The following SEMA5A variants were observed in gnomAD, a reference collection of about 807,000 sequenced individuals.
SEMA5A encodes semaphorin-5A.
In SEMA5A, 55 loss-of-function variants were observed where a neutral mutation model predicts 135.5. The observed-to-expected ratio is 0.41, with a 90% CI of 0.33 to 0.51. The LOEUF (loss-of-function observed/expected upper bound fraction) is 0.51, where lower values mean the gene tolerates loss of function less well. Among genes scored for constraint, SEMA5A ranks in the 20% least tolerant of loss-of-function variants. The pLI, the probability that SEMA5A is intolerant of heterozygous loss-of-function variation, is 0.37. For synonymous variants in SEMA5A, 580 were observed against 546.5 expected (o/e 1.06, Z -0.85); for missense variants, 1,290 against 1,419.9 (o/e 0.91, Z 1.47).
intron 1 of SEMA5A, among the ~76,000 whole-genome samples, chr5:9,510,443 T>C (rs761170369): frequency 1.3e-5 from 2 of 152,206 alleles, no homozygotes; most frequent in Non-Finnish European, 2.9e-5. Context: ...GCACAAACTA[T>C]TGGGAAGTAA....
chr5:9,087,604 T>G (rs1460743033), intron 16 of SEMA5A, among the ~76,000 whole-genome samples: 1 of 151,966 alleles, frequency 6.6e-6, no homozygotes, highest in Non-Finnish European at 1.5e-5. Flanking sequence ...TTCTTTAGTT[T>G]CTGGCTGTAA....
At chr5:9,520,957 G>T (rs561240968) in intron 1 of SEMA5A, among the ~76,000 whole-genome samples, 1 of 152,216 alleles carries the variant, frequency 6.6e-6, no homozygotes, top group Non-Finnish European at 1.5e-5. Context: ...AGAATAGAGC[G>T]TGGCCTTCAG....
At chr5:9,325,124 T>G (rs542818061) in intron 4 of SEMA5A, among the ~76,000 whole-genome samples, 1 of 152,354 alleles carries the variant, frequency 6.6e-6, no homozygotes, top group South Asian at 2.1e-4. Flanking sequence ...ATACTTCTAT[T>G]TTTCTCCTGT....
At chr5:9,422,287 C>G (rs529510512) in intron 2 of SEMA5A, 1 of 152,276 alleles carries the variant, frequency 6.6e-6, no homozygotes, top group Non-Finnish European at 1.5e-5. Flanking sequence ...ATTCTTCAAC[C>G]TGGGCAACGC....
chr5:9,044,677 A>G, intron 21 of SEMA5A, 93 bp from the exon 22 acceptor site: 1 of 1,068,638 alleles, frequency 9.4e-7, no homozygotes, highest in Admixed American at 2.0e-5. Flanking sequence ...AGTCAAAATG[A>G]AAAGCTTCAT....
rs569012475 is a variant in SEMA5A, at chr5:9,160,604, C to T, written c.1274-5909G>A. 3.9e-5 allele frequency among the ~76,000 whole-genome samples: 6 copies of T among 152,164 alleles called. 1 individual carries two copies. Among genetic ancestry groups the T allele is most frequent in the South Asian group, 4.2e-4 (2 of 4,818 alleles). Reference sequence around the variant, plus strand: ...CCAATGAGAAGAAGAGAACCCTCCTCGGCACAGATCACTACATTGTAGGTC... The same window carrying T: ...CCAATGAGAAGAAGAGAACCCTCCTTGGCACAGATCACTACATTGTAGGTC... On this transcript the variant is annotated intron_variant, in intron 11 of 22. Transcript: ENST00000382496.
intron 1 of SEMA5A, among the ~76,000 whole-genome samples, chr5:9,496,983 G>A (rs1735336086): frequency 6.6e-6 from 1 of 152,220 alleles, no homozygotes; most frequent in African/African-American, 2.4e-5. Flanking sequence ...AACAGGCCTT[G>A]AAATAGCCTT....
chr5:9,433,325 G>C (rs901211073), intron 2 of SEMA5A, among the ~76,000 whole-genome samples: 2 of 151,864 alleles, frequency 1.3e-5, no homozygotes, highest in African/African-American at 4.8e-5. Flanking sequence ...AAAATGTTTT[G>C]TTTTATTCCT....
At position 9,267,204 on chromosome 5, in the gene SEMA5A, C is replaced by G. The variant is rs3026312; in HGVS notation, c.271-29314G>C. 1.0e-3 allele frequency among the ~76,000 whole-genome samples: 154 copies of G among 151,710 alleles called. 2 individuals are homozygous for G. Among genetic ancestry groups the G allele is most frequent in the African/African-American group, 3.7e-3 (154 of 41,532 alleles). ...TTAGATTCTTATTTAATATATGAGC[C>G]AGGAAGAATTTCAGCTGAGAAGCCC... On this transcript the variant is annotated intron_variant, in intron 5 of 22. Transcript: ENST00000382496.
At chr5:9,463,975 G>A (rs1266966946) in intron 1 of SEMA5A, among the ~76,000 whole-genome samples, 8 of 152,128 alleles carry the variant, frequency 5.3e-5, no homozygotes, top group Non-Finnish European at 1.0e-4. Context: ...TTTCAAATCT[G>A]TGATGCTGTA....
At chr5:9,468,633 AT>A (rs1265881473) in intron 1 of SEMA5A, among the ~76,000 whole-genome samples, 8 of 152,238 alleles carry the variant, frequency 5.3e-5, no homozygotes, top group Non-Finnish European at 1.0e-4. Flanking sequence ...GGCTGTCTAT[AT>A]TTCTTCAAAT....
At chr5:9,530,220 T>C (rs566891939) in intron 1 of SEMA5A, among the ~76,000 whole-genome samples, 1 of 152,262 alleles carries the variant, frequency 6.6e-6, no homozygotes, top group East Asian at 1.9e-4. Flanking sequence ...AGTTATACCA[T>C]GGAGGGACAG....
At chr5:9,066,247 C>T (rs181457115) in intron 17 of SEMA5A, among the ~76,000 whole-genome samples, 174 bp downstream of exon 17, 138 of 152,316 alleles carry the variant, frequency 9.1e-4, no homozygotes, top group African/African-American at 2.9e-3. Context: ...AGTAAGGCTC[C>T]TTTCTTTCAA....
chr5:9,435,854 G>C (rs748552188), intron 2 of SEMA5A, among the ~76,000 whole-genome samples: 1 of 152,122 alleles, frequency 6.6e-6, no homozygotes, highest in South Asian at 2.1e-4. Flanking sequence ...GAAAACGTTC[G>C]CCAATTCTTG....
In SEMA5A at chr5:9,479,385, G is replaced by GAAA. The variant is rs35642251; in HGVS notation, c.-174-41536_-174-41534dup. Among the ~76,000 whole-genome samples, 7 of 146,006 alleles carry GAAA rather than the reference G, an allele frequency of 4.8e-5. 1 individual carries two copies. The South Asian group carries it at 1.1e-3, about 23-fold the overall frequency. The stretch of plus-strand genomic sequence containing the variant: ...GGTAACCTAGTGTGACCATGTCTAT[G>GAAA]AAAAAAAAAAAAACTTAATAAAGAA... On this transcript the variant is annotated intron_variant, in intron 1 of 22. Transcript: ENST00000382496.
intron 16 of SEMA5A, among the ~76,000 whole-genome samples, chr5:9,090,168 G>A (rs1738952892): frequency 6.6e-6 from 1 of 152,242 alleles, no homozygotes; most frequent in African/African-American, 2.4e-5. Flanking sequence ...TCTTGAAATA[G>A]GGCTCTCTGT....
intron 5 of SEMA5A, among the ~76,000 whole-genome samples, chr5:9,296,055 T>C (rs552159456): frequency 3.9e-5 from 6 of 152,164 alleles, no homozygotes; most frequent in Non-Finnish European, 8.8e-5. Context: ...CTAAGGGGTA[T>C]TTTAATGTGA....
At chr5:9,275,856 C>G (rs1750233891) in intron 5 of SEMA5A, among the ~76,000 whole-genome samples, 1 of 152,172 alleles carries the variant, frequency 6.6e-6, no homozygotes. Context: ...CTATTTATGA[C>G]AAACCCACAG....
rs115380221 is a variant in SEMA5A, at chr5:9,169,972, C to T, written c.1274-15277G>A. On this transcript the variant is annotated intron_variant, in intron 11 of 22. Coordinates refer to ENST00000382496, the MANE Select transcript of SEMA5A (RefSeq NM_003966.3). ...GGTTTTCTGATGTTTGGATACTGGG[C>T]TCAATGTCCACTGATTTCCTTCACC... Among the ~76,000 whole-genome samples, 667 of 152,332 alleles carry T rather than the reference C, an allele frequency of 4.4e-3. 6 individuals are homozygous for T. Among genetic ancestry groups the T allele is most frequent in the African/African-American group, 0.016 (648 of 41,584 alleles).
Sources: gnomAD v4.1 joint callset for allele counts (sites outside exome capture counted in the v4.1 genomes callset) on GRCh38, gnomAD v4.1.1 for gene constraint, MANE v1.5 for transcripts, NCBI Gene and HGNC (gene_info 2026-07-23, HGNC 2026-07-21) for gene names.